Variants in LDLRAD4 observed in about 807,000 individuals in gnomAD.
LDLRAD4 encodes the protein low-density lipoprotein receptor class A domain-containing protein 4.
A neutral mutation model predicts 17.0 loss-of-function variants in LDLRAD4; 5 were observed. That is an observed-to-expected ratio of 0.29 (90% CI 0.15 to 0.62). LDLRAD4 has a LOEUF of 0.62. Ranked by LOEUF, LDLRAD4 falls within the 20% of genes least tolerant of loss-of-function variation. The pLI is 0.84. For missense variants in LDLRAD4, 340 were observed against 424.7 expected, an observed-to-expected ratio of 0.80 and a Z score of 1.75; for synonymous variants, 168 against 171.8, an observed-to-expected ratio of 0.98 and a Z score of 0.17.
chr18:13,485,005 C>G (rs1188155486), intron 3 of LDLRAD4, among the ~76,000 whole-genome samples: 2 of 152,224 alleles, frequency 1.3e-5, no homozygotes, highest in Admixed American at 1.3e-4. Context: ...TGGATGAGCT[C>G]TATCACGACA....
intron 3 of LDLRAD4, among the ~76,000 whole-genome samples, chr18:13,541,853 C>A (rs1828563878): frequency 6.6e-6 from 1 of 151,656 alleles, no homozygotes; most frequent in Non-Finnish European, 1.5e-5. Flanking sequence ...AGGAGGATAG[C>A]TTAAGGCCAG....
At chr18:13,315,291 C>T (rs553260566) in intron 1 of LDLRAD4, among the ~76,000 whole-genome samples, 1 of 152,264 alleles carries the variant, frequency 6.6e-6, no homozygotes, top group African/African-American at 2.4e-5. Flanking sequence ...GCCTCCAGTT[C>T]TCCTGTTAGT....
At chr18:13,612,890 GTTTC>G in intron 3 of LDLRAD4, 1 of 1,249,458 alleles carries the variant, frequency 8.0e-7, no homozygotes. Flanking sequence ...TTCTCAAGAA[GTTTC>G]TTTCTACCTA....
intron 4 of LDLRAD4, among the ~76,000 whole-genome samples, chr18:13,640,292 C>CAAAAT (rs570650591): frequency 3.0e-5 from 3 of 98,492 alleles, no homozygotes; most frequent in African/African-American, 8.4e-5. Flanking sequence ...GATTCCATCT[C>CAAAAT]AAAAAAAAAA....
chr18:13,636,508 TG>T (rs551992761), intron 4 of LDLRAD4, among the ~76,000 whole-genome samples: 176 of 140,696 alleles, frequency 1.3e-3, no homozygotes, highest in African/African-American at 4.0e-3. Context: ...TTTTTGTTTT[TG>T]TTTTGAGATG....
chr18:13,313,939 A>C (rs1349457300), intron 1 of LDLRAD4, among the ~76,000 whole-genome samples: 1 of 152,146 alleles, frequency 6.6e-6, no homozygotes, highest in East Asian at 1.9e-4. Context: ...TTGTGATGTC[A>C]GAAAGAGAGG....
At chr18:13,562,639 C>A (rs1027201288) in intron 3 of LDLRAD4, among the ~76,000 whole-genome samples, 1 of 152,202 alleles carries the variant, frequency 6.6e-6, no homozygotes, top group South Asian at 2.1e-4. Context: ...ATCTCCCCAT[C>A]GTCCCTAATG....
chr18:13,550,656 T>C (rs903561031), intron 3 of LDLRAD4, among the ~76,000 whole-genome samples: 15 of 152,168 alleles, frequency 9.9e-5, no homozygotes, highest in Non-Finnish European at 2.2e-4. Context: ...GTTTAGGAAA[T>C]GGCAGCCTTG....
At chr18:13,321,922 A>T (rs2081266495) in intron 1 of LDLRAD4, among the ~76,000 whole-genome samples, 1 of 141,302 alleles carries the variant, frequency 7.1e-6, no homozygotes. Flanking sequence ...AAGAATAAAA[A>T]GAATAAACAC....
intron 3 of LDLRAD4, among the ~76,000 whole-genome samples, chr18:13,603,455 G>A (rs150637061): frequency 9.8e-5 from 15 of 152,364 alleles, no homozygotes; most frequent in African/African-American, 2.6e-4. Flanking sequence ...TCTGGAGTCA[G>A]TCTTCCTAGT....
intron 3 of LDLRAD4, among the ~76,000 whole-genome samples, chr18:13,620,122 C>T (rs547683425): frequency 6.6e-6 from 1 of 152,276 alleles, no homozygotes; most frequent in Admixed American, 6.5e-5. Context: ...GGAGGCACCA[C>T]CTGATCTCTG....
intron 2 of LDLRAD4, among the ~76,000 whole-genome samples, chr18:13,391,371 G>C (rs73954270): frequency 0.017 from 2,627 of 152,240 alleles, 81 homozygotes; most frequent in African/African-American, 0.06. Flanking sequence ...TACCATGAAG[G>C]GGGTGGGAGT....
In LDLRAD4 at chr18:13,315,457, A is replaced by G. The variant is rs58033358; in HGVS notation, c.-383+37269A>G. On this transcript the variant is annotated intron_variant, in intron 1 of 5. Transcript: ENST00000359446. ...ATTTTAAAAGCATCATCATTAATAT[A>G]TTCAAGAAAGTAGAGGACAAGATGG... Among the ~76,000 whole-genome samples, 759 of 152,344 alleles carry G rather than the reference A, an allele frequency of 5.0e-3. 10 individuals are homozygous for G. Among genetic ancestry groups the G allele is most frequent in the African/African-American group, 0.018 (730 of 41,580 alleles).
intron 3 of LDLRAD4, among the ~76,000 whole-genome samples, chr18:13,512,349 C>T (rs1277095240): frequency 6.6e-6 from 1 of 152,202 alleles, no homozygotes; most frequent in Non-Finnish European, 1.5e-5. Flanking sequence ...GGCCTCCTTT[C>T]CTTTGGGGAC....
At chr18:13,309,364 A>G (rs529063794) in intron 1 of LDLRAD4, among the ~76,000 whole-genome samples, 1 of 152,330 alleles carries the variant, frequency 6.6e-6, no homozygotes, top group South Asian at 2.1e-4. Context: ...TTCGCCGGTG[A>G]AAAGCAAATC....
intron 1 of LDLRAD4, among the ~76,000 whole-genome samples, chr18:13,261,791 A>G (rs1160097562): frequency 6.6e-6 from 1 of 152,034 alleles, no homozygotes; most frequent in Non-Finnish European, 1.5e-5. Context: ...TGCCACCTGT[A>G]TGCAGTACCT....
At chr18:13,504,766 G>T (rs1214309316) in intron 3 of LDLRAD4, among the ~76,000 whole-genome samples, 1 of 152,200 alleles carries the variant, frequency 6.6e-6, no homozygotes, top group African/African-American at 2.4e-5. Flanking sequence ...TTTCTCTTCC[G>T]AGAGAGGCAT....
At chr18:13,233,380 T>C (rs1362717125) in intron 1 of LDLRAD4, among the ~76,000 whole-genome samples, 1 of 152,106 alleles carries the variant, frequency 6.6e-6, no homozygotes. Context: ...GGCCCACTGC[T>C]CAGAGCCCAG....
At chr18:13,326,705 AG>A (rs1249436289) in intron 1 of LDLRAD4, among the ~76,000 whole-genome samples, 6 of 151,990 alleles carry the variant, frequency 3.9e-5, no homozygotes, top group South Asian at 4.2e-4. Flanking sequence ...CCTGGGGAAG[AG>A]GGCATTGCCT....
Sources: allele counts gnomAD v4.1 joint callset (sites outside exome capture counted in the v4.1 genomes callset), GRCh38; gene constraint gnomAD v4.1.1; transcripts MANE v1.5; gene names NCBI Gene and HGNC (gene_info 2026-07-23, HGNC 2026-07-21).